RANBP2: variants seen among roughly 807,000 people sequenced by gnomAD.
RANBP2 encodes E3 SUMO-protein ligase RanBP2.
A neutral mutation model predicts 303.6 loss-of-function variants in RANBP2; 57 were observed. That is an observed-to-expected ratio of 0.19 (90% CI 0.15 to 0.23). The LOEUF (loss-of-function observed/expected upper bound fraction) is 0.23, where lower values mean the gene tolerates loss of function less well. RANBP2 is among the 10% of genes least tolerant of loss of function. The probability of loss-of-function intolerance (pLI) is 1.00; values close to 1 mark genes in which losing one functional copy is unlikely to be tolerated. For synonymous variants in RANBP2, 1,167 were observed against 1,301.5 expected (o/e 0.90, Z 2.23); for missense variants, 3,138 against 3,780.8 (o/e 0.83, Z 4.46).
At chr2:109,139,252 C>T in the RANBP2 span, among the ~76,000 whole-genome samples, 1 of 152,100 alleles carries the variant, frequency 6.6e-6, no homozygotes, top group Non-Finnish European at 1.5e-5. Flanking sequence ...TGCAGAGCAT[C>T]AAGAATGTAG....
chr2:108,863,973 G>A, the RANBP2 span, among the ~76,000 whole-genome samples: 3 of 152,140 alleles, frequency 2.0e-5, no homozygotes, highest in African/African-American at 7.2e-5. Flanking sequence ...TGATTGGTTT[G>A]CATCCCCTTG....
the RANBP2 span, among the ~76,000 whole-genome samples, chr2:109,554,319 T>C: frequency 6.6e-6 from 1 of 152,192 alleles, no homozygotes; most frequent in Non-Finnish European, 1.5e-5. Context: ...TCACACCGCA[T>C]TGCTTATTGT....
the RANBP2 span, among the ~76,000 whole-genome samples, chr2:109,206,490 CAAAAAA>C: frequency 7.1e-3 from 288 of 40,758 alleles, 1 homozygote; most frequent in African/African-American, 0.023. Flanking sequence ...GACTCCGTCT[CAAAAAA>C]AAAAAAAAAA....
chr2:109,720,455 T>G, the RANBP2 span, among the ~76,000 whole-genome samples: 41 of 152,192 alleles, frequency 2.7e-4, no homozygotes, highest in African/African-American at 9.4e-4. Flanking sequence ...CCAGACAAAT[T>G]GAAACCAAAT....
chr2:109,614,169 G>A, the RANBP2 span: 2 of 1,179,730 alleles, frequency 1.7e-6, no homozygotes, highest in Non-Finnish European at 2.1e-6. Context: ...GGCGGGAACT[G>A]CGGAGCAGTG....
At position 108,767,328 on chromosome 2, in the gene RANBP2, A is replaced by C; in HGVS notation, c.6789A>C (p.Ser2263=). The C allele has an allele frequency of 6.2e-7, 1 of 1,612,092 alleles. No individual in the cohort carries two copies. ...VRKNLFRFGE[S]TTGFNFSFKS... Reference sequence around the variant, plus strand: ...AAAATCTTTTCCGTTTTGGTGAGTCAACAACAGGATTTAACTTCAGTTTTA... The same window carrying C: ...AAAATCTTTTCCGTTTTGGTGAGTCCACAACAGGATTTAACTTCAGTTTTA... Residue 2263 remains serine, a synonymous_variant, in exon 20 of 29, where the codon TCA becomes TCC. Coordinates refer to ENST00000283195, the MANE Select transcript of RANBP2 (RefSeq NM_006267.5).
At chr2:109,054,696 C>CAA in the RANBP2 span, among the ~76,000 whole-genome samples, 54 of 57,778 alleles carry the variant, frequency 9.3e-4, no homozygotes, top group African/African-American at 2.2e-3. Context: ...GACTCCGTCT[C>CAA]AAAAAAAAAA....
chr2:109,584,006 C>T, the RANBP2 span, among the ~76,000 whole-genome samples: 6 of 152,170 alleles, frequency 3.9e-5, no homozygotes, highest in Middle Eastern at 3.4e-3. Context: ...AAGGAAGATA[C>T]CCGGTAAAGG....
At chr2:109,204,700 T>C in the RANBP2 span, among the ~76,000 whole-genome samples, 1 of 152,218 alleles carries the variant, frequency 6.6e-6, no homozygotes, top group Non-Finnish European at 1.5e-5. Context: ...GTTCTAGCAG[T>C]CTCTTACTTT....
chr2:109,045,598 G>A, the RANBP2 span, among the ~76,000 whole-genome samples: 10 of 152,248 alleles, frequency 6.6e-5, no homozygotes, highest in East Asian at 1.4e-3. Context: ...CCAGGACCAC[G>A]TGTAAGGGGA....
the RANBP2 span, among the ~76,000 whole-genome samples, chr2:109,542,459 C>T: frequency 2.0e-5 from 3 of 152,186 alleles, no homozygotes; most frequent in Non-Finnish European, 2.9e-5. Flanking sequence ...CTATCTCACA[C>T]TTCAAAGTAC....
chr2:108,719,554 C>G lies in RANBP2; in HGVS notation c.-53C>G. The G allele has an allele frequency of 6.4e-7, 1 of 1,570,942 alleles. No homozygotes were observed. Among genetic ancestry groups the G allele is most frequent in the Non-Finnish European group, 8.6e-7 (1 of 1,159,810 alleles). ...GCTTTCCTCTTGGAAGTGGCGACTGCTGCGGGCCTGAGCGCTGGTCTCACG... is the reference window on the plus strand; with the variant it reads ...GCTTTCCTCTTGGAAGTGGCGACTGGTGCGGGCCTGAGCGCTGGTCTCACG... On this transcript the variant is annotated 5_prime_UTR_variant, in exon 1 of 29. Transcript: ENST00000283195.
At chr2:109,470,117 T>C in the RANBP2 span, among the ~76,000 whole-genome samples, 1 of 152,224 alleles carries the variant, frequency 6.6e-6, no homozygotes, top group African/African-American at 2.4e-5. Context: ...CAAAGCCACC[T>C]TCTCAACTAC....
At chr2:109,528,724 G>C in the RANBP2 span, among the ~76,000 whole-genome samples, 1 of 152,136 alleles carries the variant, frequency 6.6e-6, no homozygotes, top group African/African-American at 2.4e-5. Context: ...TCCCCAAAGC[G>C]TCCTACTCCC....
chr2:109,577,489 G>T, the RANBP2 span, among the ~76,000 whole-genome samples: 8 of 151,926 alleles, frequency 5.3e-5, no homozygotes, highest in African/African-American at 1.9e-4. Context: ...GTACTCAGGA[G>T]GCTGAGGCAG....
At chr2:109,275,965 G>C in the RANBP2 span, among the ~76,000 whole-genome samples, 1 of 152,166 alleles carries the variant, frequency 6.6e-6, no homozygotes, top group Non-Finnish European at 1.5e-5. Context: ...CACGTCATGT[G>C]CAGCTGGGTG....
At chr2:109,677,466 C>G in the RANBP2 span, among the ~76,000 whole-genome samples, 1 of 152,210 alleles carries the variant, frequency 6.6e-6, no homozygotes, top group Non-Finnish European at 1.5e-5. Flanking sequence ...AGAGCCCCTT[C>G]TCTTTGATCA....
intron 20 of RANBP2, among the ~76,000 whole-genome samples, chr2:108,768,719 TTTC>T (rs1324397020): frequency 6.6e-6 from 1 of 152,088 alleles, no homozygotes; most frequent in East Asian, 1.9e-4. Flanking sequence ...ATTTGTTCAG[TTTC>T]TTTTGTCACT....
At chr2:108,981,994 G>A in the RANBP2 span, among the ~76,000 whole-genome samples, 4 of 152,336 alleles carry the variant, frequency 2.6e-5, no homozygotes, top group African/African-American at 7.2e-5. Context: ...ATGAACAGAC[G>A]GATGCTTCCC....
Sources: allele counts gnomAD v4.1 joint callset (sites outside exome capture counted in the v4.1 genomes callset), GRCh38; gene constraint gnomAD v4.1.1; transcripts MANE v1.5; gene names NCBI Gene and HGNC (gene_info 2026-07-23, HGNC 2026-07-21).